Variants in CAPN12 observed in about 807,000 individuals in gnomAD.
CAPN12 encodes the protein calpain 12.
Under a neutral mutation model 95.0 loss-of-function variants are expected in CAPN12, and 107 were observed. The observed-to-expected ratio is 1.13, with a 90% CI of 0.96 to 1.32. The LOEUF (loss-of-function observed/expected upper bound fraction) is 1.32. CAPN12 is among the 40% of genes most tolerant of loss of function. The probability of loss-of-function intolerance (pLI) is 0.00; values close to 1 mark genes in which losing one functional copy is unlikely to be tolerated. For synonymous variants in CAPN12, 505 were observed against 415.5 expected (o/e 1.22, Z -2.62); for missense variants, 1,136 against 997.8 (o/e 1.14, Z -1.87).
chr19:38,742,614 A>T, intron 2 of CAPN12, 86 bp from the exon 3 acceptor site: 1 of 892,968 alleles, frequency 1.1e-6, no homozygotes, highest in Non-Finnish European at 1.7e-6. Context: ...GCACTTTGGG[A>T]GGCCAAGGCA....
chr19:38,740,003 G>A (rs1180708982), intron 5 of CAPN12, 48 bp downstream of exon 5: 18 of 1,496,974 alleles, frequency 1.2e-5, no homozygotes, highest in Admixed American at 2.2e-5. Flanking sequence ...ACCCCTGACT[G>A]TGCTCTGGTC....
intron 18 of CAPN12, 132 bp from the exon 19 acceptor site, chr19:38,731,355 G>T: frequency 1.4e-6 from 1 of 704,194 alleles, no homozygotes; most frequent in South Asian, 1.6e-5. Context: ...CATCCCGGCA[G>T]GGTGAGTACA....
chr19:38,737,187 G>C lies in CAPN12; in HGVS notation c.1331C>G (p.Thr444Ser). ...NRRRLRAKGLTYLTVGFHVFQ... is the reference protein window; with the variant it reads ...NRRRLRAKGLSYLTVGFHVFQ... Reference sequence around the variant, plus strand: ...CACGTGGAAGCCAACGGTGAGGTAAGTGAGGCCCTTGGCTCTCAGGCGCCG... The same window carrying C: ...CACGTGGAAGCCAACGGTGAGGTAACTGAGGCCCTTGGCTCTCAGGCGCCG... Residue 444 changes from threonine to serine, a missense_variant, in exon 10 of 21, where the codon ACT becomes AGT. Transcript: ENST00000328867. 5.2e-6 allele frequency: 8 copies of C among 1,548,006 alleles called. No homozygotes were observed. The highest frequency in any genetic ancestry group is 7.0e-6 in the Non-Finnish European group (8 of 1,147,068).
chr19:38,731,012 G>A lies in CAPN12; in HGVS notation c.2086C>T (p.Gln696Ter), dbSNP rs548505409. 2 of 1,553,118 alleles carry A rather than the reference G, an allele frequency of 1.3e-6. No homozygotes were observed. The highest frequency in any genetic ancestry group is 2.7e-5 in the African/African-American group (2 of 73,330). The change falls in exon 20 of 21, where the codon CAG (glutamine) becomes TAG (stop). Residue 696 changes from glutamine to a stop codon, truncating the protein, a stop_gained. Coordinates refer to ENST00000328867, the MANE Select transcript of CAPN12 (RefSeq NM_144691.4). LOFTEE classifies it high-confidence loss of function. ...HLTCIFCHCS[Q>*]HLDGGEGVIC... is the part of the protein sequence containing the mutation. ...ACCCCCTCACCCCCATCCAGGTGCT[G>A]GCTGCAGTGGCCTGTGCAGAGAGGG... is the stretch of plus-strand genomic sequence containing the variant.
chr19:38,734,099 A>T, intron 17 of CAPN12, 43 bp downstream of exon 17: 1 of 1,606,888 alleles, frequency 6.2e-7, no homozygotes, highest in Non-Finnish European at 8.5e-7. Flanking sequence ...CTGTTAGTAA[A>T]GGTTTCTCTC....
At position 38,744,065 on chromosome 19, in the gene CAPN12, G is replaced by T; in HGVS notation, c.101C>A (p.Ala34Glu). The part of the protein sequence containing the change: ...LQLFRGQSYE[A>E]IRAACLDSGI... ...CGAATCCAGGCAGGCTGCCCGAATT[G>T]CCTCATAGCTCTGGCCCCGAAAAAG... Residue 34 changes from alanine (A) to glutamate (E), a missense_variant, in exon 1 of 21, where the codon GCA becomes GAA. Coordinates refer to ENST00000328867, the MANE Select transcript of CAPN12 (RefSeq NM_144691.4). 6.2e-7 allele frequency: 1 copy of T among 1,614,204 alleles called. No homozygotes were observed. The highest frequency in any genetic ancestry group is 8.5e-7 in the Non-Finnish European group (1 of 1,180,030).
At chr19:38,734,285 T>TC in intron 16 of CAPN12, 34 bp downstream of exon 16, 1 of 1,598,398 alleles carries the variant, frequency 6.3e-7, no homozygotes, top group Non-Finnish European at 8.5e-7. Flanking sequence ...CCTTCCCCAC[T>TC]CCCTCCCTCA....
Position 38,738,264 on chromosome 19 carries a change from C to A in CAPN12, c.965+9G>T. 6.2e-7 allele frequency: 1 copy of A among 1,611,956 alleles called. No individual in the cohort carries two copies. The highest frequency in any genetic ancestry group is 8.5e-7 in the Non-Finnish European group (1 of 1,180,000). On this transcript the variant is annotated intron_variant, in intron 8 of 20. Coordinates refer to ENST00000328867, the MANE Select transcript of CAPN12 (RefSeq NM_144691.4). ...CCCAGAGGCAGAGCTGGGACCCTGA[C>A]GAACTGACCAGAACTCGCCATCCTC...
Position 38,737,602 on chromosome 19 carries a change from G to A in CAPN12, c.1002C>T (p.Thr334=), listed in dbSNP as rs764555606. ...ELRDFLLHFD[T]VQICSLSPEV... ...CCGGGCTCAGCGAGCAGATCTGCACGGTGTCGAAATGGAGGAGGAAGTCCC... is the reference window on the plus strand; with the variant it reads ...CCGGGCTCAGCGAGCAGATCTGCACAGTGTCGAAATGGAGGAGGAAGTCCC... Residue 334 remains threonine (T), a synonymous_variant, in exon 9 of 21, where the codon ACC becomes ACT. Coordinates refer to ENST00000328867, the MANE Select transcript of CAPN12 (RefSeq NM_144691.4). 1.9e-6 allele frequency: 3 copies of A among 1,609,882 alleles called. No homozygotes were observed. The highest frequency in any genetic ancestry group is 1.7e-6 in the Non-Finnish European group (2 of 1,178,288).
chr19:38,742,026 T>A, intron 3 of CAPN12, 116 bp from the exon 4 acceptor site: 1 of 1,441,818 alleles, frequency 6.9e-7, no homozygotes, highest in Non-Finnish European at 9.4e-7. Flanking sequence ...CAACGTTAAC[T>A]ATGAAATCCA....
rs747133448 is a variant in CAPN12, at chr19:38,744,138, TG to T, written c.27del (p.Ile10SerfsTer64). On this transcript the variant is annotated frameshift_variant, in exon 1 of 21. Transcript: ENST00000328867. LOFTEE classifies it high-confidence loss of function. MASSSGRV[T>X]IQLVDEEAGV... ...CCAGCCTCCTCATCCACGAGCTGGA[TG>T]GTGACCCTCCCACTGCTGGATGCCA... is the stretch of plus-strand genomic sequence containing the variant. 31 of 1,614,064 alleles carry T rather than the reference TG, an allele frequency of 1.9e-5. No individual in the cohort carries two copies. Among genetic ancestry groups the T allele is most frequent in the Non-Finnish European group, 2.6e-5 (31 of 1,180,020 alleles).
intron 4 of CAPN12, 71 bp from the exon 5 acceptor site, chr19:38,740,290 G>A (rs1970475356): frequency 1.3e-5 from 19 of 1,413,254 alleles, no homozygotes; most frequent in Admixed American, 1.0e-4. Flanking sequence ...CCTGGGATCT[G>A]CAGGGGCCTG....
rs1189888267 is a variant in CAPN12, at chr19:38,736,331, C to T, written c.1375-13G>A. ...AGAGGCCCAGCAGCTGGGGACGGGG[C>T]GGCATGACCACGGACCAGGCTCACC... On this transcript the variant is annotated splice_polypyrimidine_tract_variant and intron_variant, in intron 11 of 20. Transcript: ENST00000328867. The T allele has an allele frequency of 2.8e-6, 4 of 1,448,966 alleles. No individual in the cohort carries two copies. The highest frequency in any genetic ancestry group is 2.9e-5 in the South Asian group (2 of 68,758). The allele number at this position is 1,448,966 out of a possible 1,614,324, so 89.8% of individuals were successfully genotyped here.
At position 38,740,219 on chromosome 19, in the gene CAPN12, C is replaced by G. The variant is rs778832074; in HGVS notation, c.561G>C (p.Lys187Asn). The G allele has an allele frequency of 3.7e-6, 6 of 1,600,194 alleles. No homozygotes were observed. The highest frequency in any genetic ancestry group is 1.3e-5 in the African/African-American group (1 of 74,576). The change falls in exon 5 of 21, where the codon AAG becomes AAC. Residue 187 changes from lysine (K) to asparagine (N), a missense_variant and splice_region_variant. By Grantham distance (94) the Lys-to-Asn change is moderately conservative (BLOSUM62 0). Transcript: ENST00000328867. ...WAPLLEKAYAKLHGSYEVMRG... is the reference protein window; with the variant it reads ...WAPLLEKAYANLHGSYEVMRG... Reference sequence around the variant, plus strand: ...GCATCACCTCATAGGAGCCGTGGAGCCTGTGGGGGCAGATCTGGGGTGAGG... The same window carrying G: ...GCATCACCTCATAGGAGCCGTGGAGGCTGTGGGGGCAGATCTGGGGTGAGG...
rs1472743711 is a variant in CAPN12, at chr19:38,735,497, C to G, written c.1626+5G>C. On this transcript the variant is annotated splice_donor_5th_base_variant and intron_variant, in intron 13 of 20. Coordinates refer to ENST00000328867, the MANE Select transcript of CAPN12 (RefSeq NM_144691.4). ...CCATGCCGCCCCTCCAGGAACAGTC[C>G]CCACCTGGAGAGACTGCAGGTCTGC... is the stretch of plus-strand genomic sequence containing the variant. The G allele has an allele frequency of 6.2e-7, 1 of 1,611,040 alleles. No individual in the cohort carries two copies. The highest frequency in any genetic ancestry group is 1.3e-5 in the African/African-American group (1 of 74,510).
At chr19:38,733,474 T>G in intron 18 of CAPN12, 1 of 508,788 alleles carries the variant, frequency 2.0e-6, no homozygotes, top group Non-Finnish European at 3.5e-6. Flanking sequence ...ACCAGGCACA[T>G]CCCCCTTTCA....
Position 38,737,588 on chromosome 19 carries a change from G to A in CAPN12, c.1016C>T (p.Ser339Leu), listed in dbSNP as rs148346184. ...GGGGCCCAGCACCTCCGGGCTCAGC[G>A]AGCAGATCTGCACGGTGTCGAAATG... The part of the protein sequence containing the change: ...LLHFDTVQIC[S>L]LSPEVLGPSP... The change falls in exon 9 of 21, where the codon TCG (serine) becomes TTG (leucine). Residue 339 changes from serine (S) to leucine (L), a missense_variant. By Grantham distance (145) the Ser-to-Leu change is moderately radical. Coordinates refer to ENST00000328867, the MANE Select transcript of CAPN12 (RefSeq NM_144691.4). 7.6e-5 allele frequency: 123 copies of A among 1,611,900 alleles called. No individual in the cohort carries two copies. The highest frequency in any genetic ancestry group is 9.7e-5 in the Non-Finnish European group (114 of 1,179,698).
At chr19:38,731,261 G>A (rs1386229408) in intron 18 of CAPN12, 38 bp from the exon 19 acceptor site, 2 of 1,552,290 alleles carry the variant, frequency 1.3e-6, no homozygotes, top group Non-Finnish European at 1.8e-6. Flanking sequence ...TGGCCCACAG[G>A]GAACCCACCT....
At position 38,733,717 on chromosome 19, in the gene CAPN12, G is replaced by A. The variant is rs770488639; in HGVS notation, c.1943C>T (p.Ala648Val). ...CCTGTCCACACCTGCTGCATTCAGT[G>A]CCAGCCTCAGCTCGTAGGAGTTCAT... ...GTMNSYELRLALNAAGFHLNN... is the reference protein window; with the variant it reads ...GTMNSYELRLVLNAAGFHLNN... Residue 648 changes from alanine (A) to valine (V), a missense_variant, in exon 18 of 21, where the codon GCA (alanine) becomes GTA (valine). Ala to Val is a moderately conservative substitution (Grantham distance 64). Transcript: ENST00000328867. The A allele has an allele frequency of 1.6e-5, 26 of 1,613,550 alleles. No homozygotes were observed. The highest frequency in any genetic ancestry group is 1.5e-4 in the South Asian group (14 of 91,090).
Sources: allele counts gnomAD v4.1 joint callset, GRCh38; gene constraint gnomAD v4.1.1; transcripts MANE v1.5; gene names NCBI Gene and HGNC (gene_info 2026-07-23, HGNC 2026-07-21).